Variants in SMAP2 observed in about 807,000 individuals in gnomAD.
SMAP2 encodes the protein small ArfGAP2.
In SMAP2, 25 loss-of-function variants were observed where a neutral mutation model predicts 56.4. The ratio of observed to expected loss-of-function variants is 0.44; its 90% CI spans 0.32 to 0.62. SMAP2 has a LOEUF of 0.62. Among genes scored for constraint, SMAP2 ranks in the 20% least tolerant of loss-of-function variants. SMAP2 has a pLI of 0.04. For synonymous variants in SMAP2, 157 were observed against 181.7 expected, an observed-to-expected ratio of 0.86 and a Z score of 1.09; for missense variants, 388 against 545.6, an observed-to-expected ratio of 0.71 and a Z score of 2.88.
intron 1 of SMAP2, among the ~76,000 whole-genome samples, chr1:40,405,420 A>G (rs1457897377): frequency 6.6e-6 from 1 of 152,176 alleles, no homozygotes; most frequent in African/African-American, 2.4e-5. Context: ...GCCCAGGAAG[A>G]CGAGGCTGCA....
intron 1 of SMAP2, among the ~76,000 whole-genome samples, chr1:40,388,318 G>A (rs960872540): frequency 4.6e-5 from 7 of 152,258 alleles, no homozygotes; most frequent in Admixed American, 2.6e-4. Context: ...GGGCTCCTGA[G>A]TCTGGTGGGG....
rs748970422 is a variant in SMAP2, at chr1:40,417,107, C to T, written c.1164+11C>T. The T allele has an allele frequency of 1.3e-6, 2 of 1,583,956 alleles. No homozygotes were observed. Among genetic ancestry groups the T allele is most frequent in the Admixed American group, 3.4e-5 (2 of 58,748 alleles). ...TGGAACCTTACTCAGGTAAGCTACC[C>T]CATTTTACTTGCAGCAAGAGTTTTG... is the stretch of plus-strand genomic sequence containing the variant. On this transcript the variant is annotated intron_variant, in intron 9 of 9. Transcript: ENST00000372718.
chr1:40,408,849 C>A lies in SMAP2; in HGVS notation c.323+111C>A. ...CTGGGTCATCTCTATGTGGATTAGTCAGTGTCCTTGCTTGTCCTCTGTCCT... is the reference window on the plus strand; with the variant it reads ...CTGGGTCATCTCTATGTGGATTAGTAAGTGTCCTTGCTTGTCCTCTGTCCT... On this transcript the variant is annotated intron_variant, in intron 3 of 9. Transcript: ENST00000372718. The surrounding 1 kb of genome is among the most constrained non-coding windows in gnomAD (Gnocchi z 4.3). 1 of 811,230 alleles carries A rather than the reference C, an allele frequency of 1.2e-6. No individual in the cohort carries two copies. Among genetic ancestry groups the A allele is most frequent in the Non-Finnish European group, 2.1e-6 (1 of 483,756 alleles). 50.3% of individuals were successfully genotyped at this position (811,230 alleles called of 1,614,324 possible).
chr1:40,377,784 G>A (rs1307517915), intron 1 of SMAP2, among the ~76,000 whole-genome samples: 5 of 152,108 alleles, frequency 3.3e-5, no homozygotes, highest in South Asian at 2.1e-4. Context: ...AAGCCACCCC[G>A]TCAGAGACTG....
intron 1 of SMAP2, among the ~76,000 whole-genome samples, chr1:40,391,858 A>C (rs383228): frequency 0.37 from 56,943 of 152,050 alleles, 11,059 homozygotes; most frequent in Non-Finnish European, 0.43. Context: ...AGGAAGTTAA[A>C]CTGAAGTAAC....
chr1:40,373,946 G>A lies in SMAP2; in HGVS notation c.-175G>A, dbSNP rs772058572. 3.5e-5 allele frequency: 20 copies of A among 564,802 alleles called. No homozygotes were observed. The highest frequency in any genetic ancestry group is 5.7e-5 in the Non-Finnish European group (18 of 314,740). 35.0% of individuals were successfully genotyped at this position (564,802 alleles called of 1,614,324 possible). ...GCCGCGCCGAGGGGCTGCGGAGTGG[G>A]GGACGGACGCCCCCGACCCGGGAAG... On this transcript the variant is annotated 5_prime_UTR_variant, in exon 1 of 10. Transcript: ENST00000372718.
intron 1 of SMAP2, among the ~76,000 whole-genome samples, chr1:40,351,866 G>A (rs1409550364): frequency 6.6e-6 from 1 of 151,560 alleles, no homozygotes; most frequent in African/African-American, 2.4e-5. Context: ...TCGAACTCTT[G>A]GCCTCAAGTG....
In SMAP2 at chr1:40,417,028, A is replaced by G. The variant is rs1365101447; in HGVS notation, c.1096A>G (p.Met366Val). The change falls in exon 9 of 10, where the codon ATG becomes GTG. Residue 366 changes from methionine to valine, a missense_variant. Met to Val is a conservative substitution (Grantham distance 21, BLOSUM62 1). Transcript: ENST00000372718. ...CCAGCAGGCTGGCTACATGGCAGGC[A>G]TGGCAGCTATGCCCCAGACTGTGTA... ...TTQQAGYMAG[M>V]AAMPQTVYGV... 2 of 1,614,106 alleles carry G rather than the reference A, an allele frequency of 1.2e-6. No individual in the cohort carries two copies. Among genetic ancestry groups the G allele is most frequent in the Non-Finnish European group, 1.7e-6 (2 of 1,180,008 alleles).
chr1:40,365,348 C>T (rs1476378178), intron 2 of SMAP2, among the ~76,000 whole-genome samples: 1 of 152,104 alleles, frequency 6.6e-6, no homozygotes, highest in Non-Finnish European at 1.5e-5. Flanking sequence ...CTACTGCCAC[C>T]AAAGCAAAAC....
chr1:40,346,585 G>T (rs1644386718), intron 1 of SMAP2, among the ~76,000 whole-genome samples: 1 of 152,000 alleles, frequency 6.6e-6, no homozygotes, highest in African/African-American at 2.4e-5. Flanking sequence ...GCTCAGGCTA[G>T]TCTCAAACTC....
chr1:40,374,525 T>A lies in SMAP2; in HGVS notation c.103+302T>A. Reference sequence around the variant, plus strand: ...GGCTCTGAATGAGTTCTGGGCCGGCTGTCCAGAGAGAGCTCCCAGCATGTC... The same window carrying A: ...GGCTCTGAATGAGTTCTGGGCCGGCAGTCCAGAGAGAGCTCCCAGCATGTC... On this transcript the variant is annotated intron_variant, in intron 1 of 9. Coordinates refer to ENST00000372718, the MANE Select transcript of SMAP2 (RefSeq NM_022733.3). The surrounding 1 kb of genome is among the most constrained non-coding windows in gnomAD (Gnocchi z 5.9). 4 of 874,470 alleles carry A rather than the reference T, an allele frequency of 4.6e-6. No homozygotes were observed. Among genetic ancestry groups the A allele is most frequent in the Non-Finnish European group, 7.3e-6 (4 of 547,834 alleles). 54.2% of individuals were successfully genotyped at this position (874,470 alleles called of 1,614,324 possible).
chr1:40,423,301 C>T lies in SMAP2; in HGVS notation c.*1200C>T, dbSNP rs1645061666. The stretch of plus-strand genomic sequence containing the variant: ...CCTTTCTCCTGTGTATGTGTAAATT[C>T]CTTAATAAATATTGCAGGGAAGGAC... On this transcript the variant is annotated 3_prime_UTR_variant, in exon 10 of 10. Coordinates refer to ENST00000372718, the MANE Select transcript of SMAP2 (RefSeq NM_022733.3). 6.6e-6 allele frequency: 1 copy of T among 152,650 alleles called. No homozygotes were observed. Among genetic ancestry groups the T allele is most frequent in the African/African-American group, 2.4e-5 (1 of 41,458 alleles). 9.5% of individuals were successfully genotyped at this position (152,650 alleles called of 1,614,324 possible).
At chr1:40,406,196 T>C (rs1644884550) in intron 1 of SMAP2, among the ~76,000 whole-genome samples, 2 of 152,198 alleles carry the variant, frequency 1.3e-5, no homozygotes, top group Non-Finnish European at 2.9e-5. Context: ...TGTAAGGTGC[T>C]CGGCCAAATA....
rs1365331945 is a variant in SMAP2 at position 40,409,750 on chromosome 1, T to G, written c.324-7T>G. ...TGTTGGATTCATCCTTAATAAGCTT[T>G]TTGCAGAGCTGTTGAAGGATTTATT... On this transcript the variant is annotated splice_polypyrimidine_tract_variant and splice_region_variant and intron_variant, in intron 3 of 9. Transcript: ENST00000372718. 1.9e-6 allele frequency: 3 copies of G among 1,603,518 alleles called. No homozygotes were observed. The Admixed American group carries it at 5.0e-5, about 27-fold the overall frequency.
chr1:40,364,803 G>A, intron 2 of SMAP2: 1 of 152,936 alleles, frequency 6.5e-6, no homozygotes, highest in Non-Finnish European at 1.5e-5. Context: ...TCAAGGTGCT[G>A]AAAAGCTCAA....
upstream of SMAP2, among the ~76,000 whole-genome samples, chr1:40,369,603 G>GC (rs1409742740): frequency 2.9e-5 from 4 of 140,096 alleles, no homozygotes; most frequent in Non-Finnish European, 3.1e-5. Flanking sequence ...AAGAAATGGG[G>GC]AAAGGATTCC....
chr1:40,422,183 C>G lies in SMAP2; in HGVS notation c.*82C>G. On this transcript the variant is annotated 3_prime_UTR_variant, in exon 10 of 10. Coordinates refer to ENST00000372718, the MANE Select transcript of SMAP2 (RefSeq NM_022733.3). ...AGCCTCCACCCCTGACCCCCATCCT[C>G]TTTTCCTACCTCTCTGTTTGGTTTA... The G allele has an allele frequency of 6.4e-7, 1 of 1,550,720 alleles. No homozygotes were observed. Among genetic ancestry groups the G allele is most frequent in the South Asian group, 1.2e-5 (1 of 85,922 alleles).
chr1:40,390,982 A>C (rs1320936983), intron 1 of SMAP2, among the ~76,000 whole-genome samples: 1 of 152,238 alleles, frequency 6.6e-6, no homozygotes, highest in Non-Finnish European at 1.5e-5. Flanking sequence ...AGGATTTCTC[A>C]ACCTCAGACT....
intron 2 of SMAP2, chr1:40,365,033 C>A: frequency 4.5e-6 from 1 of 224,406 alleles, no homozygotes; most frequent in South Asian, 7.8e-5. Context: ...CTGGCTGTGG[C>A]TGTTGGCCAT....
Sources: allele counts gnomAD v4.1 joint callset (sites outside exome capture counted in the v4.1 genomes callset), GRCh38; gene constraint gnomAD v4.1.1; non-coding constraint Gnocchi (gnomAD v3.1); transcripts MANE v1.5; gene names NCBI Gene and HGNC (gene_info 2026-07-23, HGNC 2026-07-21).